The following SHISAL1 variants were observed in gnomAD, a reference collection of about 807,000 sequenced individuals.
The protein encoded by SHISAL1 is shisa like 1.
A neutral mutation model predicts 22.6 loss-of-function variants in SHISAL1; 9 were observed. That is an observed-to-expected ratio of 0.40 (90% CI 0.24 to 0.70). The LOEUF (loss-of-function observed/expected upper bound fraction) is 0.70. Ranked by LOEUF, SHISAL1 falls within the 30% of genes least tolerant of loss-of-function variation. SHISAL1 has a pLI of 0.39. For missense variants in SHISAL1, 246 were observed against 270.6 expected (o/e 0.91, Z 0.64); for synonymous variants, 119 against 115.4 (o/e 1.03, Z -0.20).
intron 3 of SHISAL1, among the ~76,000 whole-genome samples, chr22:44,289,829 G>A (rs2055341070): frequency 6.6e-6 from 1 of 152,244 alleles, no homozygotes; most frequent in Non-Finnish European, 1.5e-5. Context: ...CCATCCAGAT[G>A]CAGGGGTCTT....
chr22:44,267,078 G>A (rs564980954), intron 4 of SHISAL1, among the ~76,000 whole-genome samples: 12 of 152,192 alleles, frequency 7.9e-5, no homozygotes, highest in African/African-American at 2.4e-4. Flanking sequence ...ACCTGGGATG[G>A]GGACGTGGGC....
At chr22:44,275,299 A>G (rs553246376) in intron 4 of SHISAL1, among the ~76,000 whole-genome samples, 1 of 152,182 alleles carries the variant, frequency 6.6e-6, no homozygotes, top group Non-Finnish European at 1.5e-5. Context: ...GAAAGCAAAC[A>G]AAACCAACCA....
rs924943379 is a variant in SHISAL1 at position 44,260,673 on chromosome 22, T to C, written c.*-10988A>G. Among the ~76,000 whole-genome samples, 11 of 152,364 alleles carry C rather than the reference T, an allele frequency of 7.2e-5. 1 individual carries two copies. Among genetic ancestry groups the C allele is most frequent in the Admixed American group, 4.6e-4 (7 of 15,310 alleles). ...TAAAATGCAGAGCCAAACGCTTGCC[T>C]GTAGGCCACAGTCTGGCCTTCTTGG... On this transcript the variant is annotated intron_variant, in intron 4 of 4. Coordinates refer to ENST00000381176, the MANE Select transcript of SHISAL1 (RefSeq NM_001099294.2).
chr22:44,253,593 CTAATT>C (rs2055064311), intron 4 of SHISAL1, among the ~76,000 whole-genome samples: 1 of 139,070 alleles, frequency 7.2e-6, no homozygotes, highest in Non-Finnish European at 1.5e-5. Flanking sequence ...CCATGTCTGG[CTAATT>C]TTTTTTTTTT....
chr22:44,315,628 C>A (rs1467842907), upstream of SHISAL1, among the ~76,000 whole-genome samples: 1 of 152,194 alleles, frequency 6.6e-6, no homozygotes, highest in Non-Finnish European at 1.5e-5. Context: ...ATGTTTGGAA[C>A]TGAGCTGGTG....
At chr22:44,296,137 G>A (rs1971093185) in intron 3 of SHISAL1, among the ~76,000 whole-genome samples, 1 of 151,644 alleles carries the variant, frequency 6.6e-6, no homozygotes, top group South Asian at 2.1e-4. Flanking sequence ...AGTATTCTGT[G>A]TCCCTCCCTC....
intron 4 of SHISAL1, among the ~76,000 whole-genome samples, chr22:44,266,559 T>TGTGTGTGTGTGTGTGTGTGTGTGTGTG: frequency 7.0e-6 from 1 of 142,542 alleles, no homozygotes; most frequent in Non-Finnish European, 1.5e-5. Flanking sequence ...TGTGTGTGTG[T>TGTGTGTGTGTGTGTGTGTGTGTGTGTG]TGGAGGGCTC....
chr22:44,317,727 A>T (rs535283017), upstream of SHISAL1, among the ~76,000 whole-genome samples: 190 of 152,294 alleles, frequency 1.2e-3, no homozygotes, highest in Non-Finnish European at 2.3e-3. Flanking sequence ...CCCTGACACC[A>T]GACTTAGAAC....
At chr22:44,319,623 C>T in the SHISAL1 span, among the ~76,000 whole-genome samples, 32,179 of 152,166 alleles carry the variant, frequency 0.21, 3,773 homozygotes, top group South Asian at 0.32. Flanking sequence ...ATCCTCCAGC[C>T]GCAGAAACTC....
the SHISAL1 span, among the ~76,000 whole-genome samples, chr22:44,326,203 G>C: frequency 2.0e-5 from 3 of 152,280 alleles, no homozygotes; most frequent in African/African-American, 7.2e-5. Flanking sequence ...ACAAGCTCCG[G>C]GAGCCTCAGA....
chr22:44,280,745 C>CT, intron 4 of SHISAL1, among the ~76,000 whole-genome samples: 1 of 151,936 alleles, frequency 6.6e-6, no homozygotes. Context: ...TGTCAGCCCC[C>CT]ATCAGGTCCT....
upstream of SHISAL1, among the ~76,000 whole-genome samples, chr22:44,315,325 G>A (rs999593711): frequency 6.6e-6 from 1 of 152,072 alleles, no homozygotes; most frequent in Non-Finnish European, 1.5e-5. Flanking sequence ...CACCCCTCTG[G>A]GCAGCTGAGA....
At chr22:44,306,689 G>A (rs1283155626) in intron 1 of SHISAL1, among the ~76,000 whole-genome samples, 10 of 144,506 alleles carry the variant, frequency 6.9e-5, no homozygotes, top group Admixed American at 5.4e-4. Context: ...GGTGTGTGTG[G>A]AAGGGACCTG....
intron 4 of SHISAL1, among the ~76,000 whole-genome samples, chr22:44,256,131 G>A (rs1191342045): frequency 6.7e-6 from 1 of 148,740 alleles, no homozygotes; most frequent in Non-Finnish European, 1.5e-5. Context: ...GGCTCTCCTG[G>A]GTCTCAGGCC....
chr22:44,273,394 T>G (rs1167443309), intron 4 of SHISAL1, among the ~76,000 whole-genome samples: 1 of 152,304 alleles, frequency 6.6e-6, no homozygotes, highest in South Asian at 2.1e-4. Context: ...GCAAATACCG[T>G]CACCGGCACA....
At chr22:44,258,159 A>T (rs891055487) in intron 4 of SHISAL1, among the ~76,000 whole-genome samples, 22 of 152,166 alleles carry the variant, frequency 1.4e-4, no homozygotes, top group African/African-American at 5.1e-4. Flanking sequence ...TACAAAAATT[A>T]GCCAGGTGTG....
intron 3 of SHISAL1, among the ~76,000 whole-genome samples, chr22:44,295,934 A>G (rs894832819): frequency 3.9e-5 from 6 of 152,142 alleles, no homozygotes; most frequent in African/African-American, 7.2e-5. Flanking sequence ...CCTGATCCCA[A>G]TGTATTTTAA....
intron 4 of SHISAL1, among the ~76,000 whole-genome samples, chr22:44,275,444 G>C (rs1438848046): frequency 6.6e-6 from 1 of 152,228 alleles, no homozygotes; most frequent in Non-Finnish European, 1.5e-5. Context: ...AGACCAGAGA[G>C]GACTTGTTTC....
At chr22:44,330,902 G>A in the SHISAL1 span, among the ~76,000 whole-genome samples, 1 of 151,952 alleles carries the variant, frequency 6.6e-6, no homozygotes, top group Non-Finnish European at 1.5e-5. Flanking sequence ...GGACCCAGGG[G>A]CACGCACTTG....
Sources: gnomAD v4.1 joint callset for allele counts (sites outside exome capture counted in the v4.1 genomes callset) on GRCh38, gnomAD v4.1.1 for gene constraint, MANE v1.5 for transcripts, NCBI Gene and HGNC (gene_info 2026-07-23, HGNC 2026-07-21) for gene names.